LINGO2: variants seen among roughly 807,000 people sequenced by gnomAD.
LINGO2 encodes leucine rich repeat and Ig domain containing 2, also known as leucine-rich repeat and immunoglobulin-like domain-containing nogo receptor-interacting protein 2.
Under a neutral mutation model 30.6 loss-of-function variants are expected in LINGO2, and 14 were observed. The observed-to-expected ratio is 0.46, with a 90% CI of 0.30 to 0.72. LINGO2 has a LOEUF of 0.72. Ranked by LOEUF, LINGO2 falls within the 30% of genes least tolerant of loss-of-function variation. LINGO2 has a pLI of 0.07. For synonymous variants in LINGO2, 317 were observed against 288.5 expected, an observed-to-expected ratio of 1.10 and a Z score of -1.00; for missense variants, 729 against 751.7, an observed-to-expected ratio of 0.97 and a Z score of 0.35.
chr9:29,055,500 C>T, the LINGO2 span, among the ~76,000 whole-genome samples: 1 of 152,130 alleles, frequency 6.6e-6, no homozygotes, highest in Non-Finnish European at 1.5e-5. Context: ...GTAAATAATG[C>T]TGTAATCAAC....
At chr9:28,888,979 T>C in the LINGO2 span, 1 of 517,230 alleles carries the variant, frequency 1.9e-6, no homozygotes. Context: ...GCAGGAACCA[T>C]TTGCAGATAA....
the LINGO2 span, among the ~76,000 whole-genome samples, chr9:29,179,100 A>C: frequency 4.7e-5 from 7 of 149,104 alleles, no homozygotes; most frequent in East Asian, 9.8e-4. Context: ...ACCTTGTTAA[A>C]GATGCTGGTC....
chr9:28,815,023 T>C, the LINGO2 span, among the ~76,000 whole-genome samples: 2 of 152,046 alleles, frequency 1.3e-5, no homozygotes, highest in East Asian at 3.9e-4. Flanking sequence ...AATAATAAAA[T>C]TGAAAACTAA....
intron 2 of LINGO2, among the ~76,000 whole-genome samples, chr9:28,393,834 G>T (rs1821934573): frequency 6.6e-6 from 1 of 152,158 alleles, no homozygotes; most frequent in Admixed American, 6.5e-5. Flanking sequence ...CCTCTCCCAA[G>T]CAACCTTCAG....
the LINGO2 span, among the ~76,000 whole-genome samples, chr9:28,939,651 G>T: frequency 6.6e-6 from 1 of 152,078 alleles, no homozygotes; most frequent in South Asian, 2.1e-4. Context: ...TTGGTTTAAA[G>T]GTTTGTTTCT....
chr9:28,385,296 A>G (rs1009814400), intron 2 of LINGO2, among the ~76,000 whole-genome samples: 8 of 152,116 alleles, frequency 5.3e-5, no homozygotes, highest in African/African-American at 1.9e-4. Context: ...CTGTAATATA[A>G]TTAACCTCAC....
the LINGO2 span, among the ~76,000 whole-genome samples, chr9:29,057,490 T>C: frequency 6.6e-6 from 1 of 152,128 alleles, no homozygotes; most frequent in African/African-American, 2.4e-5. Context: ...AGGTGAGCCA[T>C]AGTATCATCC....
the LINGO2 span, among the ~76,000 whole-genome samples, chr9:29,023,533 T>C: frequency 3.3e-5 from 5 of 152,142 alleles, no homozygotes; most frequent in Non-Finnish European, 7.4e-5. Context: ...TAATCCTTAA[T>C]ATGGCTAAAA....
chr9:28,732,136 C>A, the LINGO2 span, among the ~76,000 whole-genome samples: 1,524 of 152,118 alleles, frequency 0.01, 28 homozygotes, highest in African/African-American at 0.035. Context: ...AGCCAAAATG[C>A]CTGTTTCTGG....
At chr9:28,942,205 T>A in the LINGO2 span, among the ~76,000 whole-genome samples, 1 of 152,202 alleles carries the variant, frequency 6.6e-6, no homozygotes, top group South Asian at 2.1e-4. Flanking sequence ...TTGGACTCTT[T>A]TAGGAAAGAC....
chr9:28,511,778 G>A (rs1820395388), intron 1 of LINGO2, among the ~76,000 whole-genome samples: 1 of 152,246 alleles, frequency 6.6e-6, no homozygotes, highest in African/African-American at 2.4e-5. Context: ...GTATAGAATG[G>A]CACACCTGGC....
chr9:28,947,685 T>TAC, the LINGO2 span, among the ~76,000 whole-genome samples: 1 of 151,512 alleles, frequency 6.6e-6, no homozygotes, highest in Non-Finnish European at 1.5e-5. Context: ...AGAAAACCCA[T>TAC]ACACACACAC....
chr9:28,494,671 T>A (rs1819526326), intron 1 of LINGO2, among the ~76,000 whole-genome samples: 1 of 152,210 alleles, frequency 6.6e-6, no homozygotes, highest in African/African-American at 2.4e-5. Flanking sequence ...AGTGCCGCAA[T>A]AAACATACGT....
chr9:28,734,865 G>A, the LINGO2 span, among the ~76,000 whole-genome samples: 1 of 152,066 alleles, frequency 6.6e-6, no homozygotes, highest in Non-Finnish European at 1.5e-5. Flanking sequence ...CTTATCTAAT[G>A]TAGAATTTCA....
At chr9:28,374,036 G>C (rs1821015851) in intron 2 of LINGO2, among the ~76,000 whole-genome samples, 1 of 151,934 alleles carries the variant, frequency 6.6e-6, no homozygotes, top group African/African-American at 2.4e-5. Context: ...GAATCACAAA[G>C]GTTTCTCCTT....
the LINGO2 span, among the ~76,000 whole-genome samples, chr9:28,856,734 G>A: frequency 6.6e-6 from 1 of 151,948 alleles, no homozygotes; most frequent in South Asian, 2.1e-4. Context: ...GGAAATTACT[G>A]AAGCGTTTTA....
At chr9:28,594,497 G>T (rs1563850592) in intron 1 of LINGO2, among the ~76,000 whole-genome samples, 1 of 152,050 alleles carries the variant, frequency 6.6e-6, no homozygotes, top group Non-Finnish European at 1.5e-5. Flanking sequence ...GGGATGCCTA[G>T]TTGTACTTTT....
chr9:28,563,333 G>T (rs1254763251), intron 1 of LINGO2, among the ~76,000 whole-genome samples: 1 of 152,094 alleles, frequency 6.6e-6, no homozygotes, highest in African/African-American at 2.4e-5. Flanking sequence ...GGTACTTACA[G>T]AATTCTCAAT....
At chr9:28,546,457 G>A (rs926100259) in intron 1 of LINGO2, among the ~76,000 whole-genome samples, 6 of 152,044 alleles carry the variant, frequency 3.9e-5, no homozygotes, top group Non-Finnish European at 8.8e-5. Flanking sequence ...ACTCAGCAAG[G>A]CTTGTTTGTT....
Sources: gnomAD v4.1 joint callset for allele counts (sites outside exome capture counted in the v4.1 genomes callset) on GRCh38, gnomAD v4.1.1 for gene constraint, MANE v1.5 for transcripts, NCBI Gene and HGNC (gene_info 2026-07-23, HGNC 2026-07-21) for gene names.